Variants in UPB1 observed in about 807,000 individuals in gnomAD.
The protein encoded by UPB1 is beta-ureidopropionase 1, also known as beta-ureidopropionase.
UPB1 carries 40 observed loss-of-function variants against 49.1 expected under a neutral mutation model. The ratio of observed to expected loss-of-function variants is 0.81; its 90% CI spans 0.63 to 1.06. The LOEUF is 1.06. Among genes scored for constraint, UPB1 ranks in the 50% least tolerant of loss-of-function variants. The pLI, the probability that UPB1 is intolerant of heterozygous loss-of-function variation, is 0.00. For synonymous variants in UPB1, 207 were observed against 198.2 expected (o/e 1.04, Z -0.38); for missense variants, 499 against 505.9 (o/e 0.99, Z 0.13).
At chr22:24,520,508 T>C (rs2044370542) in intron 7 of UPB1, 40 bp downstream of exon 7, 3 of 1,603,496 alleles carry the variant, frequency 1.9e-6, no homozygotes. Flanking sequence ...AGCCACCACC[T>C]GGTGGCTCTG....
At chr22:24,521,871 T>G in intron 7 of UPB1, 115 bp from the exon 8 acceptor site, 1 of 1,085,932 alleles carries the variant, frequency 9.2e-7, no homozygotes, top group Non-Finnish European at 1.4e-6. Flanking sequence ...CTTAACTGTT[T>G]CCTGGCTGAC....
intron 1 of UPB1, among the ~76,000 whole-genome samples, chr22:24,497,940 G>T (rs527910258): frequency 1.3e-5 from 2 of 152,300 alleles, no homozygotes; most frequent in South Asian, 4.1e-4. Context: ...CCAGGAAGAA[G>T]TCAGGTGGCA....
At chr22:24,516,585 C>G (rs1433930061) in intron 6 of UPB1, 1 of 152,220 alleles carries the variant, frequency 6.6e-6, no homozygotes, top group Non-Finnish European at 1.5e-5. Flanking sequence ...CTGCCAGTGT[C>G]CCCAGCAGGA....
intron 4 of UPB1, 42 bp downstream of exon 4, chr22:24,510,885 G>C: frequency 6.3e-7 from 1 of 1,599,252 alleles, no homozygotes; most frequent in Non-Finnish European, 8.6e-7. Context: ...TGCCAAATAT[G>C]TGCAAGTCAC....
At chr22:24,498,576 G>T (rs1005692571) in intron 1 of UPB1, among the ~76,000 whole-genome samples, 1 of 152,150 alleles carries the variant, frequency 6.6e-6, no homozygotes, top group South Asian at 2.1e-4. Context: ...GAATGAGCTC[G>T]CAGGGAGCTG....
chr22:24,522,102 A>C, intron 8 of UPB1, 74 bp downstream of exon 8: 9 of 1,556,096 alleles, frequency 5.8e-6, no homozygotes, highest in Non-Finnish European at 7.0e-6. Flanking sequence ...TGCTTCCTCC[A>C]GTCAGGATCT....
intron 8 of UPB1, among the ~76,000 whole-genome samples, chr22:24,522,777 A>T (rs2044417643): frequency 6.6e-6 from 1 of 151,278 alleles, no homozygotes. Flanking sequence ...ACTAAAAAAA[A>T]AAAAAAAATA....
chr22:24,496,392 C>CACACACACAT (rs2043882193), intron 1 of UPB1, among the ~76,000 whole-genome samples: 1 of 141,162 alleles, frequency 7.1e-6, no homozygotes, highest in Admixed American at 6.9e-5. Flanking sequence ...CACACACACA[C>CACACACACAT]ACACACACAC....
chr22:24,509,923 TTC>T (rs1164939808), intron 3 of UPB1, among the ~76,000 whole-genome samples: 1 of 152,120 alleles, frequency 6.6e-6, no homozygotes, highest in African/African-American at 2.4e-5. Context: ...CTATTCTACT[TTC>T]TGTCATTAAG....
chr22:24,520,285 C>G (rs1053569742), intron 6 of UPB1, 102 bp from the exon 7 acceptor site: 133 of 1,341,694 alleles, frequency 9.9e-5, no homozygotes, highest in Non-Finnish European at 1.3e-4. Flanking sequence ...GTCCCCACCA[C>G]TGGCCCAGGA....
At chr22:24,504,723 CTTTT>C (rs35606558) in intron 3 of UPB1, among the ~76,000 whole-genome samples, 6 of 91,758 alleles carry the variant, frequency 6.5e-5, no homozygotes, top group East Asian at 6.2e-4. Context: ...GTATTTCCTC[CTTTT>C]TTTTTTTTTT....
chr22:24,515,241 T>G lies in UPB1; in HGVS notation c.662T>G (p.Phe221Cys). Residue 221 changes from phenylalanine (F) to cysteine (C), a missense_variant, in exon 6 of 10, where the codon TTC becomes TGC. Coordinates refer to ENST00000326010, the MANE Select transcript of UPB1 (RefSeq NM_016327.3). ...YMEGNLGHPV[F>C]QTQFGRIAVN... ...GAGGGAAACCTGGGCCACCCCGTGT[T>G]CCAGACGCAGTTCGGAAGGATCGCG... 1 of 1,614,156 alleles carries G rather than the reference T, an allele frequency of 6.2e-7. No homozygotes were observed. The highest frequency in any genetic ancestry group is 8.5e-7 in the Non-Finnish European group (1 of 1,180,036).
At chr22:24,518,620 G>A (rs1377665275) in intron 6 of UPB1, among the ~76,000 whole-genome samples, 1 of 152,212 alleles carries the variant, frequency 6.6e-6, no homozygotes. Context: ...CTGTATTAGA[G>A]ACAGACATAC....
At position 24,525,346 on chromosome 22, in the gene UPB1, T is replaced by C. The variant is rs949009654; in HGVS notation, c.1072-365T>C. On this transcript the variant is annotated intron_variant, in intron 9 of 9. Transcript: ENST00000326010. ...CCCATCCAGGAGCCCCTGGTTCAAA[T>C]CCCAGCCTTTTCTACAACTGGCTAG... Among the ~76,000 whole-genome samples the C allele has an allele frequency of 7.9e-5, 12 of 152,092 alleles. No homozygotes were observed. The South Asian group carries it at 1.5e-3, about 18-fold the overall frequency.
In UPB1 at chr22:24,526,070, T is replaced by G; in HGVS notation, c.*276T>G. On this transcript the variant is annotated 3_prime_UTR_variant, in exon 10 of 10. Coordinates refer to ENST00000326010, the MANE Select transcript of UPB1 (RefSeq NM_016327.3). ...TTCAGAATGTTTGTTATGTAAATTTTACCTCAACTAAAAAAAAAAATGCCC... is the reference window on the plus strand; with the variant it reads ...TTCAGAATGTTTGTTATGTAAATTTGACCTCAACTAAAAAAAAAAATGCCC... 1 of 451,338 alleles carries G rather than the reference T, an allele frequency of 2.2e-6. No individual in the cohort carries two copies. Among genetic ancestry groups the G allele is most frequent in the Non-Finnish European group, 4.1e-6 (1 of 244,856 alleles). The allele number at this position is 451,338 out of a possible 1,614,324, so 28.0% of individuals were successfully genotyped here.
chr22:24,500,999 T>C (rs2043985631), intron 2 of UPB1, among the ~76,000 whole-genome samples: 1 of 152,234 alleles, frequency 6.6e-6, no homozygotes, highest in Admixed American at 6.5e-5. Context: ...ATCATTCACA[T>C]TGGTCCTTCC....
At chr22:24,509,382 A>G in intron 3 of UPB1, among the ~76,000 whole-genome samples, 2 of 143,594 alleles carry the variant, frequency 1.4e-5, no homozygotes, top group African/African-American at 5.3e-5. Flanking sequence ...AAAAAAAAAA[A>G]AAAAAAAAAA....
chr22:24,500,691 C>T (rs530774515), intron 2 of UPB1, among the ~76,000 whole-genome samples: 26 of 152,332 alleles, frequency 1.7e-4, no homozygotes, highest in African/African-American at 5.1e-4. Flanking sequence ...GGCGGGGACT[C>T]GCTATACCCA....
At chr22:24,496,459 C>T (rs891746738) in intron 1 of UPB1, among the ~76,000 whole-genome samples, 4 of 151,826 alleles carry the variant, frequency 2.6e-5, no homozygotes, top group South Asian at 4.1e-4. Context: ...TGGATAATCC[C>T]GGATGATCTT....
Sources: gnomAD v4.1 joint callset for allele counts (sites outside exome capture counted in the v4.1 genomes callset) on GRCh38, gnomAD v4.1.1 for gene constraint, MANE v1.5 for transcripts, NCBI Gene and HGNC (gene_info 2026-07-23, HGNC 2026-07-21) for gene names.